Variants in SHTN1 observed in about 807,000 individuals in gnomAD.
SHTN1 encodes the protein shootin-1.
A neutral mutation model predicts 83.1 loss-of-function variants in SHTN1; 42 were observed. That is an observed-to-expected ratio of 0.51 (90% confidence interval 0.39 to 0.65). The LOEUF is 0.65. Among genes scored for constraint, SHTN1 ranks in the 30% least tolerant of loss-of-function variants. The pLI, the probability that SHTN1 is intolerant of heterozygous loss-of-function variation, is 0.00. For missense variants in SHTN1, 622 were observed against 737.8 expected (o/e 0.84, Z 1.82); for synonymous variants, 224 against 247.7 (o/e 0.90, Z 0.90).
intron 1 of SHTN1, among the ~76,000 whole-genome samples, chr10:116,993,004 C>A (rs1164465016): frequency 2.3e-5 from 3 of 129,830 alleles, no homozygotes; most frequent in African/African-American, 5.5e-5. Context: ...GTTTTCTTTT[C>A]TTTCTTTTTT....
intron 2 of SHTN1, among the ~76,000 whole-genome samples, chr10:117,046,168 A>C (rs557754385): frequency 1.3e-5 from 2 of 152,236 alleles, no homozygotes; most frequent in South Asian, 4.1e-4. Context: ...AGCTCAGAGA[A>C]CACCAACCCA....
intron 7 of SHTN1, among the ~76,000 whole-genome samples, chr10:116,948,398 C>G (rs566466356): frequency 6.6e-6 from 1 of 152,316 alleles, no homozygotes; most frequent in South Asian, 2.1e-4. Context: ...TGTCAGACAG[C>G]TCAGAACCAG....
chr10:117,049,706 T>A (rs929292711), intron 1 of SHTN1, among the ~76,000 whole-genome samples: 8 of 152,106 alleles, frequency 5.3e-5, no homozygotes, highest in African/African-American at 1.9e-4. Context: ...CTAGAAACCA[T>A]GATTTAAGAG....
At chr10:117,059,637 T>C (rs1339477512) in intron 1 of SHTN1, among the ~76,000 whole-genome samples, 1 of 152,230 alleles carries the variant, frequency 6.6e-6, no homozygotes, top group Non-Finnish European at 1.5e-5. Flanking sequence ...GCATACTGTA[T>C]GATTCCATTT....
rs368348749 is a variant in SHTN1 at position 116,919,654 on chromosome 10, C to T, written c.1195+1780G>A. ...TCTAAAATATATCAATTGTCTCTCCCGAAAAAAATGAAACAAAATTTAAAT... is the reference window on the plus strand; with the variant it reads ...TCTAAAATATATCAATTGTCTCTCCTGAAAAAAATGAAACAAAATTTAAAT... On this transcript the variant is annotated intron_variant, in intron 12 of 16. Coordinates refer to ENST00000355371, the MANE Select transcript of SHTN1 (RefSeq NM_001127211.3). 3.3e-5 allele frequency among the ~76,000 whole-genome samples: 5 copies of T among 152,056 alleles called. No individual in the cohort carries two copies. In the East Asian group the frequency reaches 7.7e-4, roughly 24 times the overall value.
At chr10:117,123,096 G>A (rs1468028732) in intron 1 of SHTN1, among the ~76,000 whole-genome samples, 2 of 151,704 alleles carry the variant, frequency 1.3e-5, no homozygotes, top group Non-Finnish European at 2.9e-5. Context: ...TCTGCCTCCC[G>A]GGTGCAAGCA....
rs1456732486 is a variant in SHTN1 at position 116,884,568 on chromosome 10, A to G, written c.*1776T>C. ...ATGGTGTGATGAAATATGGAAAGAC[A>G]GTGTACATATTTTTATATTCCTAAA... is the stretch of plus-strand genomic sequence containing the variant. On this transcript the variant is annotated 3_prime_UTR_variant, in exon 17 of 17. Coordinates refer to ENST00000355371, the MANE Select transcript of SHTN1 (RefSeq NM_001127211.3). 3.5e-5 allele frequency: 9 copies of G among 257,528 alleles called. No homozygotes were observed. Among genetic ancestry groups the G allele is most frequent in the Middle Eastern group, 1.5e-3 (1 of 654 alleles). 16.0% of individuals were successfully genotyped at this position (257,528 alleles called of 1,614,324 possible).
intron 2 of SHTN1, among the ~76,000 whole-genome samples, chr10:117,038,595 AG>A (rs1852536892): frequency 6.6e-6 from 1 of 152,218 alleles, no homozygotes; most frequent in Non-Finnish European, 1.5e-5. Flanking sequence ...CATCTTATAA[AG>A]GGCTGTTATC....
intron 16 of SHTN1, 139 bp from the exon 17 acceptor site, chr10:116,886,705 C>G: frequency 8.6e-7 from 1 of 1,162,072 alleles, no homozygotes; most frequent in Non-Finnish European, 1.2e-6. Flanking sequence ...CTTTGAGATG[C>G]CAGCCATTTA....
At chr10:116,962,363 T>C (rs772747817) in intron 3 of SHTN1, among the ~76,000 whole-genome samples, 4 of 152,192 alleles carry the variant, frequency 2.6e-5, no homozygotes, top group South Asian at 4.1e-4. Flanking sequence ...TTTATCACTA[T>C]GTTTACAAGG....
intron 4 of SHTN1, among the ~76,000 whole-genome samples, chr10:116,957,851 G>A (rs900740342): frequency 7.2e-5 from 11 of 152,112 alleles, no homozygotes; most frequent in African/African-American, 2.7e-4. Context: ...CCTGAGGTCA[G>A]GAGTTTGAGA....
chr10:116,928,637 C>T (rs1390367741), intron 10 of SHTN1, among the ~76,000 whole-genome samples: 1 of 152,188 alleles, frequency 6.6e-6, no homozygotes, highest in African/African-American at 2.4e-5. Context: ...GTAGCTCTCC[C>T]CATCCACAGC....
chr10:117,113,646 C>A (rs1853799970), intron 1 of SHTN1, among the ~76,000 whole-genome samples: 1 of 152,204 alleles, frequency 6.6e-6, no homozygotes, highest in Non-Finnish European at 1.5e-5. Flanking sequence ...GGAACAGTGG[C>A]TGAATCCCAG....
chr10:117,098,204 C>CG (rs1163160479), intron 1 of SHTN1, among the ~76,000 whole-genome samples: 1 of 139,960 alleles, frequency 7.1e-6, no homozygotes, highest in Non-Finnish European at 1.5e-5. Flanking sequence ...CTGGCTAACA[C>CG]GGTGAAATCC....
At chr10:117,066,071 A>G (rs910030262) in intron 1 of SHTN1, among the ~76,000 whole-genome samples, 2 of 152,102 alleles carry the variant, frequency 1.3e-5, no homozygotes, top group Non-Finnish European at 2.9e-5. Context: ...CCTCTAAAAA[A>G]AGAAAAGAAA....
At chr10:117,088,072 T>C (rs1385060263) in intron 1 of SHTN1, among the ~76,000 whole-genome samples, 3 of 152,250 alleles carry the variant, frequency 2.0e-5, no homozygotes, top group Admixed American at 6.5e-5. Flanking sequence ...AGTTCTGCTG[T>C]ATTGTTTGTT....
chr10:116,906,522 T>C, intron 15 of SHTN1, 105 bp downstream of exon 15: 4 of 1,186,558 alleles, frequency 3.4e-6, no homozygotes, highest in East Asian at 2.7e-5. Context: ...TAAAAACAAA[T>C]ATTTTAATAA....
intron 2 of SHTN1, among the ~76,000 whole-genome samples, chr10:117,029,333 A>T (rs1414427289): frequency 2.0e-5 from 3 of 152,196 alleles, no homozygotes. Context: ...TGGGGAAGGG[A>T]CTTCCCTTGT....
At chr10:116,925,707 T>C (rs1848722567) in intron 11 of SHTN1, among the ~76,000 whole-genome samples, 1 of 152,250 alleles carries the variant, frequency 6.6e-6, no homozygotes, top group Non-Finnish European at 1.5e-5. Flanking sequence ...GCATAGAACC[T>C]GTCCTACTTT....
Sources: gnomAD v4.1 joint callset for allele counts (sites outside exome capture counted in the v4.1 genomes callset) on GRCh38, gnomAD v4.1.1 for gene constraint, MANE v1.5 for transcripts, NCBI Gene and HGNC (gene_info 2026-07-23, HGNC 2026-07-21) for gene names.